The following RNLS variants were observed in gnomAD, a reference collection of about 807,000 sequenced individuals.
RNLS encodes renalase, FAD dependent amine oxidase.
RNLS carries 39 observed loss-of-function variants against 39.8 expected under a neutral mutation model. That is an observed-to-expected ratio of 0.98 (90% CI 0.76 to 1.28). The LOEUF is 1.28. Ranked by LOEUF, RNLS falls within the 50% of genes most tolerant of loss-of-function variation. The pLI, the probability that RNLS is intolerant of heterozygous loss-of-function variation, is 0.00. For missense variants in RNLS, 410 were observed against 413.3 expected (o/e 0.99, Z 0.07); for synonymous variants, 147 against 150.7 (o/e 0.98, Z 0.18).
chr10:88,558,270 G>A (rs993117758), intron 4 of RNLS, among the ~76,000 whole-genome samples: 2 of 152,158 alleles, frequency 1.3e-5, no homozygotes, highest in South Asian at 2.1e-4. Context: ...TCAACAGCTA[G>A]AGAGCCTTAA....
At chr10:88,394,951 C>A in intron 4 of RNLS, among the ~76,000 whole-genome samples, 1 of 151,918 alleles carries the variant, frequency 6.6e-6, no homozygotes. Context: ...GGACAAAAAA[C>A]CAAACACCGC....
At chr10:88,369,837 C>G (rs896655006) in intron 4 of RNLS, among the ~76,000 whole-genome samples, 1 of 152,080 alleles carries the variant, frequency 6.6e-6, no homozygotes, top group African/African-American at 2.4e-5. Context: ...ATGCCACACA[C>G]CTGGCTAATT....
intron 3 of RNLS, among the ~76,000 whole-genome samples, chr10:88,580,596 A>AT (rs1850480625): frequency 1.3e-5 from 2 of 152,132 alleles, no homozygotes; most frequent in African/African-American, 4.8e-5. Context: ...GAAAAATTCT[A>AT]TTTTCTTTTT....
At chr10:88,349,317 G>A (rs1486476537) in intron 5 of RNLS, among the ~76,000 whole-genome samples, 1 of 152,152 alleles carries the variant, frequency 6.6e-6, no homozygotes, top group East Asian at 1.9e-4. Context: ...GAGGGCAAAT[G>A]TTGTCTTAGA....
At chr10:88,415,873 T>C (rs1285550889) in intron 4 of RNLS, among the ~76,000 whole-genome samples, 2 of 152,178 alleles carry the variant, frequency 1.3e-5, no homozygotes, top group Non-Finnish European at 2.9e-5. Flanking sequence ...GAGGAGAAGA[T>C]ATTAAGGTTT....
chr10:88,423,977 T>A (rs1854559312), intron 4 of RNLS, among the ~76,000 whole-genome samples: 1 of 152,194 alleles, frequency 6.6e-6, no homozygotes, highest in Non-Finnish European at 1.5e-5. Context: ...TAGGGACAAG[T>A]GTCCCTCTCA....
chr10:88,238,567 G>T, the RNLS span, among the ~76,000 whole-genome samples: 3 of 152,218 alleles, frequency 2.0e-5, no homozygotes, highest in Non-Finnish European at 4.4e-5. Context: ...GGTTTAGAAG[G>T]AACTCATGCA....
At chr10:88,426,425 C>T (rs1854766641) in intron 4 of RNLS, among the ~76,000 whole-genome samples, 1 of 151,892 alleles carries the variant, frequency 6.6e-6, no homozygotes, top group Non-Finnish European at 1.5e-5. Flanking sequence ...ATATAGAAAA[C>T]ATTCCCCCCA....
chr10:88,355,933 C>T (rs570262021), intron 5 of RNLS, among the ~76,000 whole-genome samples: 2 of 152,218 alleles, frequency 1.3e-5, no homozygotes, highest in Non-Finnish European at 2.9e-5. Context: ...CCCCCAGCCT[C>T]GCTGCTGCCT....
chr10:88,439,360 T>C (rs940560980), intron 4 of RNLS, among the ~76,000 whole-genome samples: 5 of 152,138 alleles, frequency 3.3e-5, no homozygotes, highest in Admixed American at 6.6e-5. Flanking sequence ...GTATATCAGA[T>C]AGTAGGAAAT....
At chr10:88,371,541 T>C (rs568409562) in intron 4 of RNLS, among the ~76,000 whole-genome samples, 148 of 152,286 alleles carry the variant, frequency 9.7e-4, no homozygotes, top group Non-Finnish European at 1.7e-3. Context: ...TGGAATTCTT[T>C]GGTTATCTTT....
At chr10:88,324,612 A>G (rs1589555134) in intron 5 of RNLS, among the ~76,000 whole-genome samples, 1 of 152,158 alleles carries the variant, frequency 6.6e-6, no homozygotes, top group Non-Finnish European at 1.5e-5. Flanking sequence ...CCTATTGGGT[A>G]CTATGTTCAA....
At chr10:88,478,851 CTTCTTTCTTTCAT>C (rs1209382416) in intron 4 of RNLS, among the ~76,000 whole-genome samples, 2 of 149,832 alleles carry the variant, frequency 1.3e-5, no homozygotes, top group Non-Finnish European at 3.0e-5. Flanking sequence ...TTTCTTTTTC[CTTCTTTCTTTCAT>C]TTCTTTCTTT....
rs567224337 is a variant in RNLS at position 88,317,508 on chromosome 10, C to A, written c.701-2867G>T. 4.6e-5 allele frequency among the ~76,000 whole-genome samples: 7 copies of A among 152,166 alleles called. No individual in the cohort carries two copies. The East Asian group carries it at 1.3e-3, about 29-fold the overall frequency. ...ACTGATCATTACATCAACACCCCAG[C>A]GACAATGGAAGACTATTCCTGGGTA... On this transcript the variant is annotated intron_variant, in intron 5 of 6. Coordinates refer to ENST00000331772, the MANE Select transcript of RNLS (RefSeq NM_001031709.3).
At chr10:88,269,948 A>G (rs1363514139), downstream of RNLS, among the ~76,000 whole-genome samples, 3 of 152,132 alleles carry the variant, frequency 2.0e-5, no homozygotes, top group Non-Finnish European at 2.9e-5. Context: ...CCTGGGTTCA[A>G]GTGGTTCTCC....
the RNLS span, among the ~76,000 whole-genome samples, chr10:88,222,424 C>A: frequency 6.6e-6 from 1 of 152,144 alleles, no homozygotes; most frequent in Non-Finnish European, 1.5e-5. Context: ...TTTGAATTCA[C>A]AGCCTGGTCC....
the RNLS span, among the ~76,000 whole-genome samples, chr10:88,268,460 G>A: frequency 1.3e-5 from 2 of 152,182 alleles, no homozygotes; most frequent in Non-Finnish European, 2.9e-5. Context: ...CATGCAATAG[G>A]ACCATGTGGG....
the RNLS span, among the ~76,000 whole-genome samples, chr10:88,235,126 GGGGT>G: frequency 6.6e-6 from 1 of 151,830 alleles, no homozygotes; most frequent in Non-Finnish European, 1.5e-5. Context: ...GCCGGGCGTC[GGGGT>G]GGTGGCGGGT....
intron 4 of RNLS, among the ~76,000 whole-genome samples, chr10:88,507,599 A>G (rs138877388): frequency 1.7e-3 from 260 of 152,258 alleles, no homozygotes; most frequent in African/African-American, 5.4e-3. Context: ...GTGAGCTGCT[A>G]ACATCTGCAC....
Sources: gnomAD v4.1 joint callset for allele counts (sites outside exome capture counted in the v4.1 genomes callset) on GRCh38, gnomAD v4.1.1 for gene constraint, MANE v1.5 for transcripts, NCBI Gene and HGNC (gene_info 2026-07-23, HGNC 2026-07-21) for gene names.